PTCD2: variants seen among roughly 807,000 people sequenced by gnomAD.
The protein encoded by PTCD2 is pentatricopeptide repeat-containing protein 2, mitochondrial.
Under a neutral mutation model 42.6 loss-of-function variants are expected in PTCD2, and 31 were observed. The ratio of observed to expected loss-of-function variants is 0.73; its 90% confidence interval spans 0.55 to 0.98. PTCD2 has a LOEUF of 0.98. Among genes scored for constraint, PTCD2 ranks in the 50% least tolerant of loss-of-function variants. The pLI, the probability that PTCD2 is intolerant of heterozygous loss-of-function variation, is 0.00. For synonymous variants in PTCD2, 183 were observed against 170.9 expected (o/e 1.07, Z -0.55); for missense variants, 476 against 454.8 (o/e 1.05, Z -0.42).
Position 72,367,372 on chromosome 5 carries a change from G to A in PTCD2, c.*8945G>A, listed in dbSNP as rs1753228836. ...CCTTGTTCAAGATGACTTCTTCATGGGCATCGATAGATACATTCTTGAAAA... is the reference window on the plus strand; with the variant it reads ...CCTTGTTCAAGATGACTTCTTCATGAGCATCGATAGATACATTCTTGAAAA... On this transcript the variant is annotated 3_prime_UTR_variant, in exon 10 of 10. Coordinates refer to ENST00000380639, the MANE Select transcript of PTCD2 (RefSeq NM_024754.5). The A allele has an allele frequency of 6.6e-6, 1 of 152,176 alleles. No homozygotes were observed. Among genetic ancestry groups the A allele is most frequent in the Non-Finnish European group, 1.5e-5 (1 of 68,042 alleles). The allele number at this position is 152,176 out of a possible 1,614,324, so 9.4% of individuals were successfully genotyped here. A position where few individuals can be genotyped will look rare whatever the true frequency, so the allele number is the denominator to read the frequency against.
chr5:72,335,156 A>G, intron 5 of PTCD2, 60 bp downstream of exon 5: 1 of 957,072 alleles, frequency 1.0e-6, no homozygotes, highest in African/African-American at 1.6e-5. Flanking sequence ...CATAGGAACT[A>G]GGGGGAAAAA....
At chr5:72,344,703 G>A (rs974244880) in intron 8 of PTCD2, among the ~76,000 whole-genome samples, 1 of 152,088 alleles carries the variant, frequency 6.6e-6, no homozygotes, top group African/African-American at 2.4e-5. Flanking sequence ...GAGAAATAAA[G>A]GGACAGAGTA....
At chr5:72,339,530 G>A (rs1751940743) in intron 7 of PTCD2, among the ~76,000 whole-genome samples, 2 of 152,134 alleles carry the variant, frequency 1.3e-5, no homozygotes, top group African/African-American at 2.4e-5. Context: ...TGAAGGACAA[G>A]CCAAGAGGTT....
At position 72,362,705 on chromosome 5, in the gene PTCD2, A is replaced by G. The variant is rs1753121095; in HGVS notation, c.*4278A>G. 2.0e-5 allele frequency: 3 copies of G among 152,264 alleles called. No individual in the cohort carries two copies. Among genetic ancestry groups the G allele is most frequent in the South Asian group, 4.1e-4 (2 of 4,824 alleles). 9.4% of individuals were successfully genotyped at this position (152,264 alleles called of 1,614,324 possible). On this transcript the variant is annotated 3_prime_UTR_variant, in exon 10 of 10. Transcript: ENST00000380639. ...CTCAAGGATTCTCCATTAATTCACC[A>G]TATCTATTTTGAGAATCTACAAAGG...
At chr5:72,356,467 G>C (rs1752878347) in intron 9 of PTCD2, among the ~76,000 whole-genome samples, 1 of 151,264 alleles carries the variant, frequency 6.6e-6, no homozygotes, top group South Asian at 2.1e-4. Flanking sequence ...ATATATGTGT[G>C]AGATTGCAAG....
chr5:72,358,331 C>T lies in PTCD2; in HGVS notation c.1071C>T (p.Thr357=), dbSNP rs774376968. The T allele has an allele frequency of 2.5e-6, 4 of 1,614,012 alleles. No individual in the cohort carries two copies. The highest frequency in any genetic ancestry group is 3.4e-6 in the Non-Finnish European group (4 of 1,179,976). The part of the protein sequence containing the change: ...TDSLDAVLCH[T]PRDRKSHTLL... ...CTTTGGATGCTGTGCTCTGCCACACCCCCAGGGACAGGAAATCTCACACGT... is the reference window on the plus strand; with the variant it reads ...CTTTGGATGCTGTGCTCTGCCACACTCCCAGGGACAGGAAATCTCACACGT... Residue 357 remains threonine (T), a synonymous_variant, in exon 10 of 10, where the codon ACC becomes ACT. Coordinates refer to ENST00000380639, the MANE Select transcript of PTCD2 (RefSeq NM_024754.5).
chr5:72,322,240 G>C lies in PTCD2; in HGVS notation c.196G>C (p.Ala66Pro). 6.3e-7 allele frequency: 1 copy of C among 1,595,324 alleles called. No homozygotes were observed. Among genetic ancestry groups the C allele is most frequent in the Non-Finnish European group, 8.6e-7 (1 of 1,163,474 alleles). ...ATTTCAACAAAAGAAAGTGGCTGTT[G>C]CATGTAATCTTTCTGGCACTAAAGG... ...KEFQQKKVAV[A>P]CNLSGTKETY... The change falls in exon 2 of 10, where the codon GCA becomes CCA. Residue 66 changes from alanine (A) to proline (P), a missense_variant. Transcript: ENST00000380639.
intron 2 of PTCD2, among the ~76,000 whole-genome samples, chr5:72,324,196 G>A (rs1454931074): frequency 1.3e-5 from 2 of 152,126 alleles, no homozygotes; most frequent in East Asian, 1.9e-4. Context: ...ATTTCCAGTT[G>A]TCATAGTCTT....
chr5:72,358,041 C>A (rs1752965174), intron 9 of PTCD2, among the ~76,000 whole-genome samples, 162 bp from the exon 10 acceptor site: 1 of 152,142 alleles, frequency 6.6e-6, no homozygotes, highest in Non-Finnish European at 1.5e-5. Flanking sequence ...CTCAAGCAGT[C>A]CTCCTGTCTC....
intron 3 of PTCD2, among the ~76,000 whole-genome samples, chr5:72,330,078 G>A (rs1051234340): frequency 5.3e-5 from 8 of 150,404 alleles, no homozygotes; most frequent in Admixed American, 4.0e-4. Flanking sequence ...GATTACAGGC[G>A]CCCGCCACCA....
chr5:72,366,820 C>T lies in PTCD2; in HGVS notation c.*8393C>T, dbSNP rs1350444008. On this transcript the variant is annotated 3_prime_UTR_variant, in exon 10 of 10. Transcript: ENST00000380639. ...AAGTATCATGCAATGTGTCCATGTG[C>T]GTGTACACGTGAGCACACATGCACA... 3 of 152,298 alleles carry T rather than the reference C, an allele frequency of 2.0e-5. No homozygotes were observed. Among genetic ancestry groups the T allele is most frequent in the South Asian group, 2.1e-4 (1 of 4,828 alleles). The allele number at this position is 152,298 out of a possible 1,614,324, so 9.4% of individuals were successfully genotyped here.
intron 3 of PTCD2, among the ~76,000 whole-genome samples, chr5:72,330,603 T>C (rs1390761954): frequency 1.3e-5 from 2 of 152,190 alleles, no homozygotes; most frequent in African/African-American, 2.4e-5. Context: ...TTTACAGTAG[T>C]GATATGCAGT....
intron 7 of PTCD2, among the ~76,000 whole-genome samples, chr5:72,341,839 G>A (rs1488336572): frequency 1.3e-5 from 2 of 151,776 alleles, no homozygotes; most frequent in African/African-American, 2.4e-5. Flanking sequence ...TCAGGAGATC[G>A]AGACCATCCT....
intron 8 of PTCD2, among the ~76,000 whole-genome samples, chr5:72,347,691 A>G (rs1752428024): frequency 6.6e-6 from 1 of 152,148 alleles, no homozygotes; most frequent in South Asian, 2.1e-4. Flanking sequence ...TGCCTCCAAC[A>G]ACAACAAAAA....
At chr5:72,338,532 C>G in intron 6 of PTCD2, 90 bp from the exon 7 acceptor site, 1 of 554,704 alleles carries the variant, frequency 1.8e-6, no homozygotes, top group Non-Finnish European at 3.0e-6. Flanking sequence ...GAAATCCTTA[C>G]AAAAGGAACT....
At chr5:72,341,120 C>G (rs537244044) in intron 7 of PTCD2, among the ~76,000 whole-genome samples, 5 of 151,914 alleles carry the variant, frequency 3.3e-5, no homozygotes, top group Non-Finnish European at 5.9e-5. Context: ...ATGCGCCCAG[C>G]CAAATTTTTG....
intron 9 of PTCD2, among the ~76,000 whole-genome samples, chr5:72,354,476 G>T (rs1752780143): frequency 6.8e-6 from 1 of 147,806 alleles, no homozygotes. Flanking sequence ...GATGTGGACA[G>T]AATTTACTAA....
intron 3 of PTCD2, among the ~76,000 whole-genome samples, chr5:72,327,725 A>C (rs527352044): frequency 2.6e-5 from 4 of 152,206 alleles, no homozygotes; most frequent in Admixed American, 6.5e-5. Flanking sequence ...CATCCACCTC[A>C]GCCTCCCAAA....
intron 2 of PTCD2, among the ~76,000 whole-genome samples, chr5:72,323,278 G>C (rs1241891972): frequency 2.6e-5 from 4 of 152,014 alleles, no homozygotes; most frequent in African/African-American, 9.7e-5. Context: ...TTAGTGAGGG[G>C]GATTATTATC....
Sources: gnomAD v4.1 joint callset for allele counts (sites outside exome capture counted in the v4.1 genomes callset) on GRCh38, gnomAD v4.1.1 for gene constraint, MANE v1.5 for transcripts, NCBI Gene and HGNC (gene_info 2026-07-23, HGNC 2026-07-21) for gene names.